Variants in RALYL observed in about 807,000 individuals in gnomAD.
The protein encoded by RALYL is RNA-binding Raly-like protein.
A neutral mutation model predicts 35.1 loss-of-function variants in RALYL; 29 were observed. That is an observed-to-expected ratio of 0.83 (90% confidence interval 0.61 to 1.13). RALYL has a LOEUF of 1.13. Among genes scored for constraint, RALYL ranks in the 50% most tolerant of loss-of-function variants. The pLI is 0.00. For synonymous variants in RALYL, 120 were observed against 127.6 expected (o/e 0.94, Z 0.40); for missense variants, 359 against 360.4 (o/e 1.00, Z 0.03).
chr8:84,390,966 T>G (rs890692529), intron 1 of RALYL, among the ~76,000 whole-genome samples: 3 of 151,972 alleles, frequency 2.0e-5, no homozygotes, highest in Non-Finnish European at 4.4e-5. Flanking sequence ...GGGCCACATG[T>G]CAGTTTGTTT....
chr8:84,777,528 C>T (rs1443086446), intron 3 of RALYL, among the ~76,000 whole-genome samples: 2 of 152,178 alleles, frequency 1.3e-5, no homozygotes, highest in Admixed American at 6.5e-5. Context: ...GATAGAGTTG[C>T]ATAAATGAGG....
At position 84,262,845 on chromosome 8, in the gene RALYL, A is replaced by C. The variant is rs191875638; in HGVS notation, c.-24+78421A>C. Among the ~76,000 whole-genome samples, 6 of 152,266 alleles carry C rather than the reference A, an allele frequency of 3.9e-5. No individual in the cohort carries two copies. The East Asian group carries it at 1.2e-3, about 29-fold the overall frequency. ...GTAAAGAGTAGATTTTATTTCATGA[A>C]GATTTTGTTTCACTTTTATACATCT... On this transcript the variant is annotated intron_variant, in intron 1 of 8. Coordinates refer to ENST00000521268, the MANE Select transcript of RALYL (RefSeq NM_173848.7).
At chr8:84,669,712 A>C (rs1832847232) in intron 2 of RALYL, among the ~76,000 whole-genome samples, 1 of 151,886 alleles carries the variant, frequency 6.6e-6, no homozygotes, top group African/African-American at 2.4e-5. Flanking sequence ...ATGGCCATTC[A>C]CTTTTTACAG....
At chr8:84,403,651 A>G (rs140789704) in intron 1 of RALYL, among the ~76,000 whole-genome samples, 4,290 of 146,698 alleles carry the variant, frequency 0.029, 200 homozygotes, top group African/African-American at 0.1. Context: ...GCTTAGGATC[A>G]TCTTGGCTAT....
At chr8:84,200,218 T>C (rs1261736589) in intron 1 of RALYL, among the ~76,000 whole-genome samples, 1 of 152,148 alleles carries the variant, frequency 6.6e-6, no homozygotes, top group Non-Finnish European at 1.5e-5. Flanking sequence ...TACTTAATTA[T>C]ATTGATAAGA....
chr8:84,510,451 G>A (rs946693835), intron 1 of RALYL, among the ~76,000 whole-genome samples: 2 of 152,080 alleles, frequency 1.3e-5, no homozygotes, highest in African/African-American at 4.8e-5. Flanking sequence ...CATACATTAT[G>A]TACAACTTGC....
At chr8:84,231,669 T>A (rs1310790507) in intron 1 of RALYL, among the ~76,000 whole-genome samples, 3 of 152,206 alleles carry the variant, frequency 2.0e-5, no homozygotes, top group Non-Finnish European at 4.4e-5. Context: ...GGAGTTCTGT[T>A]TATTTCTTAC....
chr8:84,809,681 G>A (rs557418623), intron 4 of RALYL, among the ~76,000 whole-genome samples: 133 of 151,912 alleles, frequency 8.8e-4, no homozygotes, highest in Non-Finnish European at 1.6e-3. Flanking sequence ...TCTGTTCAGG[G>A]TATCTAATTC....
At chr8:84,655,961 G>A (rs1829880048) in intron 2 of RALYL, among the ~76,000 whole-genome samples, 1 of 152,096 alleles carries the variant, frequency 6.6e-6, no homozygotes. Context: ...CGGAGAACCA[G>A]CGATGGTTAA....
intron 1 of RALYL, among the ~76,000 whole-genome samples, chr8:84,502,422 A>G (rs949824167): frequency 1.3e-5 from 2 of 152,036 alleles, no homozygotes; most frequent in African/African-American, 4.8e-5. Flanking sequence ...TTATTCTGAG[A>G]ACAAATTCTG....
chr8:84,730,176 C>T (rs954083788), intron 2 of RALYL, among the ~76,000 whole-genome samples: 8 of 151,970 alleles, frequency 5.3e-5, no homozygotes, highest in Non-Finnish European at 1.0e-4. Flanking sequence ...CATCAAAAAG[C>T]TTATCCACCA....
intron 1 of RALYL, among the ~76,000 whole-genome samples, chr8:84,278,735 C>T (rs560691481): frequency 4.3e-4 from 66 of 152,198 alleles, no homozygotes; most frequent in Non-Finnish European, 7.4e-4. Flanking sequence ...CAGTTCCTAA[C>T]AAATTGTTCA....
At chr8:84,450,524 T>C (rs1323800237) in intron 1 of RALYL, among the ~76,000 whole-genome samples, 2 of 151,938 alleles carry the variant, frequency 1.3e-5, no homozygotes, top group Middle Eastern at 3.2e-3. Context: ...ACTAGATAAT[T>C]AGTTTAGTAA....
intron 1 of RALYL, among the ~76,000 whole-genome samples, chr8:84,389,159 A>G (rs1006161461): frequency 2.3e-4 from 35 of 151,818 alleles, no homozygotes; most frequent in East Asian, 7.8e-4. Flanking sequence ...TTGTAGATAT[A>G]CGGCGTTATT....
Position 84,396,854 on chromosome 8 carries a change from T to G in RALYL, c.-23-132445T>G, listed in dbSNP as rs904678878. Among the ~76,000 whole-genome samples, 5 of 152,196 alleles carry G rather than the reference T, an allele frequency of 3.3e-5. No homozygotes were observed. In the East Asian group the frequency reaches 9.6e-4, roughly 29 times the overall value. On this transcript the variant is annotated intron_variant, in intron 1 of 8. Transcript: ENST00000521268. ...GTTTTATAATCAAGGGCCTAACATC[T>G]AATATGTAAATATTCTTCTAGTAAG...
intron 1 of RALYL, among the ~76,000 whole-genome samples, chr8:84,425,404 C>A (rs547555580): frequency 5.4e-4 from 83 of 152,302 alleles, no homozygotes; most frequent in African/African-American, 1.7e-3. Context: ...CGCCCTGCTT[C>A]GGCTCGCGCA....
intron 2 of RALYL, among the ~76,000 whole-genome samples, chr8:84,552,358 ATT>A (rs1167949176): frequency 2.5e-3 from 75 of 30,572 alleles, no homozygotes; most frequent in African/African-American, 7.7e-3. Context: ...ATATATATAT[ATT>A]TTTTTTTTTT....
chr8:84,659,023 G>A (rs571667013), intron 2 of RALYL, among the ~76,000 whole-genome samples: 1 of 152,138 alleles, frequency 6.6e-6, no homozygotes, highest in Admixed American at 6.6e-5. Context: ...CTTACTACAA[G>A]TGGGATAGAT....
intron 7 of RALYL, among the ~76,000 whole-genome samples, chr8:84,875,734 T>C (rs936104162): frequency 2.0e-5 from 3 of 152,136 alleles, no homozygotes. Flanking sequence ...CACTACCTTA[T>C]GGAAAGTAGA....
Sources: allele counts gnomAD v4.1 joint callset (sites outside exome capture counted in the v4.1 genomes callset), GRCh38; gene constraint gnomAD v4.1.1; transcripts MANE v1.5; gene names NCBI Gene and HGNC (gene_info 2026-07-23, HGNC 2026-07-21).